The following NGEF variants were observed in gnomAD, a reference collection of about 807,000 sequenced individuals.
NGEF encodes ephexin-1.
In NGEF, 31 loss-of-function variants were observed where a neutral mutation model predicts 80.9. That is an observed-to-expected ratio of 0.38 (90% CI 0.29 to 0.52). NGEF has a LOEUF of 0.52. Among genes scored for constraint, NGEF ranks in the 20% least tolerant of loss-of-function variants. The probability of loss-of-function intolerance (pLI) is 0.84; values close to 1 mark genes in which losing one functional copy is unlikely to be tolerated. For synonymous variants in NGEF, 371 were observed against 370.2 expected (o/e 1.00, Z -0.03); for missense variants, 709 against 926.2 (o/e 0.77, Z 3.04).
intron 3 of NGEF, 51 bp downstream of exon 3, chr2:232,970,163 T>C (rs765211910): frequency 1.9e-6 from 2 of 1,060,166 alleles, no homozygotes; most frequent in Non-Finnish European, 2.7e-6. Context: ...AGCAATGACC[T>C]CTGATGCATC....
At chr2:232,948,933 G>A (rs1179878407) in intron 3 of NGEF, among the ~76,000 whole-genome samples, 1 of 152,054 alleles carries the variant, frequency 6.6e-6, no homozygotes, top group African/African-American at 2.4e-5. Flanking sequence ...CAGGAGAATC[G>A]CTTGAATCCA....
chr2:232,952,280 A>T (rs1158688394), intron 3 of NGEF, among the ~76,000 whole-genome samples: 1 of 152,240 alleles, frequency 6.6e-6, no homozygotes, highest in African/African-American at 2.4e-5. Flanking sequence ...TTGTAGAGGA[A>T]ATTCAGACTC....
chr2:232,930,612 A>ATTAT (rs2106287983), intron 3 of NGEF, among the ~76,000 whole-genome samples: 1 of 152,208 alleles, frequency 6.6e-6, no homozygotes, highest in African/African-American at 2.4e-5. Flanking sequence ...AAGTGCTGGG[A>ATTAT]TTATAGGTGT....
At chr2:232,910,697 CA>C (rs1692675568) in intron 5 of NGEF, among the ~76,000 whole-genome samples, 2 of 152,208 alleles carry the variant, frequency 1.3e-5, no homozygotes, top group African/African-American at 4.8e-5. Flanking sequence ...AGAGTTTTAG[CA>C]ATGTTTGCTG....
At chr2:232,997,101 C>T (rs1694868913) in intron 1 of NGEF, among the ~76,000 whole-genome samples, 1 of 152,134 alleles carries the variant, frequency 6.6e-6, no homozygotes, top group African/African-American at 2.4e-5. Context: ...AGGTGGTTTG[C>T]TCTCAGTGCC....
chr2:232,882,316 C>A lies in NGEF; in HGVS notation c.1758-51G>T, dbSNP rs945043672. 3 of 1,526,760 alleles carry A rather than the reference C, an allele frequency of 2.0e-6. No individual in the cohort carries two copies. In the African/African-American group the frequency reaches 4.1e-5, roughly 21 times the overall value. The allele number at this position is 1,526,760 out of a possible 1,614,324, so 94.6% of individuals were successfully genotyped here. A position where few individuals can be genotyped will look rare whatever the true frequency, so the allele number is the denominator to read the frequency against. On this transcript the variant is annotated intron_variant, in intron 12 of 14. Transcript: ENST00000264051. ...CCAACTGCAGATCAACGGCAGCCCC[C>A]CAACGTGTGGCACGAGGCTTCCCAG...
At chr2:232,927,749 C>T in intron 3 of NGEF, 1 of 442,478 alleles carries the variant, frequency 2.3e-6, no homozygotes, top group Non-Finnish European at 3.6e-6. Context: ...CGACGGGGCC[C>T]GGGGGTGGGA....
intron 3 of NGEF, among the ~76,000 whole-genome samples, chr2:232,944,656 GGAAA>G (rs956770687): frequency 7.0e-6 from 1 of 143,034 alleles, no homozygotes; most frequent in African/African-American, 2.6e-5. Context: ...AAAGAAATAA[GGAAA>G]GAAAAAAAGA....
intron 5 of NGEF, among the ~76,000 whole-genome samples, chr2:232,899,167 G>A (rs1267045566): frequency 6.6e-6 from 1 of 151,952 alleles, no homozygotes; most frequent in Non-Finnish European, 1.5e-5. Flanking sequence ...GTGGGTGAAT[G>A]TGTATGAAGG....
chr2:232,962,550 A>G (rs373601588), intron 3 of NGEF, among the ~76,000 whole-genome samples: 17 of 151,944 alleles, frequency 1.1e-4, no homozygotes, highest in African/African-American at 3.4e-4. Context: ...CTCCATCTCA[A>G]AAAGAGCTAA....
intron 3 of NGEF, among the ~76,000 whole-genome samples, chr2:232,939,371 G>A (rs1693395073): frequency 6.6e-6 from 1 of 152,030 alleles, no homozygotes; most frequent in South Asian, 2.1e-4. Context: ...TATTATTTAA[G>A]TAGTCTACAT....
At chr2:232,896,051 T>TACTCCTCG (rs3038710) in intron 5 of NGEF, among the ~76,000 whole-genome samples, 107,779 of 151,216 alleles carry the variant, frequency 0.71, 38,421 homozygotes, top group East Asian at 0.76. Flanking sequence ...CACCCTCTGA[T>TACTCCTCG]ACTTAGGGCG....
intron 5 of NGEF, chr2:232,901,520 AC>A: frequency 1.2e-6 from 1 of 858,064 alleles, no homozygotes; most frequent in Non-Finnish European, 1.4e-6. Flanking sequence ...CAGCTGCGTC[AC>A]CAGGGTGACA....
At chr2:232,929,212 G>C (rs186539878) in intron 3 of NGEF, among the ~76,000 whole-genome samples, 2 of 152,212 alleles carry the variant, frequency 1.3e-5, no homozygotes, top group Non-Finnish European at 2.9e-5. Context: ...CAACCCACCC[G>C]GCATTTGTTT....
intron 1 of NGEF, among the ~76,000 whole-genome samples, chr2:232,977,748 G>A (rs527719820): frequency 1.3e-5 from 2 of 152,330 alleles, no homozygotes; most frequent in South Asian, 4.1e-4. Flanking sequence ...CAGAGGGCCT[G>A]GCAGGCCCCG....
intron 5 of NGEF, among the ~76,000 whole-genome samples, chr2:232,895,308 C>G (rs1323147746): frequency 6.6e-6 from 1 of 152,082 alleles, no homozygotes; most frequent in East Asian, 1.9e-4. Context: ...GGGCAGATCA[C>G]TTGAGGTCAG....
In NGEF at chr2:232,998,152, G is replaced by T. The variant is rs536365221; in HGVS notation, c.-75+14916C>A. Among the ~76,000 whole-genome samples, 4 of 152,286 alleles carry T rather than the reference G, an allele frequency of 2.6e-5. No homozygotes were observed. In the East Asian group the frequency reaches 7.7e-4, roughly 29 times the overall value. On this transcript the variant is annotated intron_variant, in intron 1 of 14. Transcript: ENST00000264051. ...CTTCCCCCTCTTCCCAGAGGAAACC[G>T]CAGTGGGAGTTTCAGCGCTGAGATA... is the stretch of plus-strand genomic sequence containing the variant.
chr2:232,885,098 T>A (rs1391451264), intron 10 of NGEF, 182 bp downstream of exon 10: 5 of 599,396 alleles, frequency 8.3e-6, no homozygotes, highest in Non-Finnish European at 3.0e-6. Flanking sequence ...CGTGGTGGTG[T>A]CTGACGCCTG....
rs79511817 is a variant in NGEF at position 232,923,231 on chromosome 2, C to T, written c.527-2646G>A. 6.7e-3 allele frequency among the ~76,000 whole-genome samples: 1,025 copies of T among 152,260 alleles called. 29 individuals are homozygous for T. The East Asian group carries it at 0.097, about 14-fold the overall frequency. ...GGTGAATACTATCTTGAACATCTCA[C>T]TGTGATACATATGCTGAAAAGAGAC... On this transcript the variant is annotated intron_variant, in intron 4 of 14. Transcript: ENST00000264051.
Sources: gnomAD v4.1 joint callset for allele counts (sites outside exome capture counted in the v4.1 genomes callset) on GRCh38, gnomAD v4.1.1 for gene constraint, MANE v1.5 for transcripts, NCBI Gene and HGNC (gene_info 2026-07-23, HGNC 2026-07-21) for gene names.